DRC11: variants seen among roughly 807,000 people sequenced by gnomAD.
DRC11 encodes the protein dynein regulatory complex subunit 11, also known as IQ and AAA domain-containing protein 1.
chr2:236,470,927 A>G, the DRC11 span, among the ~76,000 whole-genome samples: 28 of 152,216 alleles, frequency 1.8e-4, no homozygotes. This position sits in a 1 kb window ranked among gnomAD's most constrained non-coding sequence, Gnocchi z 5.1. Context: ...CTGGGTTATA[A>G]GAGGTCTAGT....
At chr2:236,449,424 C>T in the DRC11 span, among the ~76,000 whole-genome samples, 788 of 152,334 alleles carry the variant, frequency 5.2e-3, 8 homozygotes, top group African/African-American at 0.018. The surrounding 1 kb of genome is among the most constrained non-coding windows in gnomAD (Gnocchi z 5.1). Flanking sequence ...ATTTTGTCCA[C>T]GGGGTGTTTG....
chr2:236,409,900 A>C, the DRC11 span, among the ~76,000 whole-genome samples: 14 of 152,212 alleles, frequency 9.2e-5, no homozygotes, highest in South Asian at 1.9e-3. Flanking sequence ...TGTTTATATG[A>C]TGGATTACAT....
the DRC11 span, among the ~76,000 whole-genome samples, chr2:236,446,053 T>TTA: frequency 6.6e-6 from 1 of 152,242 alleles, no homozygotes; most frequent in Non-Finnish European, 1.5e-5. This position sits in a 1 kb window ranked among gnomAD's most constrained non-coding sequence, Gnocchi z 6.2. Flanking sequence ...AGAGAGACAG[T>TTA]TATGAGTTCT....
At chr2:236,451,277 T>C in the DRC11 span, among the ~76,000 whole-genome samples, 7 of 152,072 alleles carry the variant, frequency 4.6e-5, no homozygotes, top group South Asian at 2.1e-4. Context: ...GGAAGACCTA[T>C]AGTATTTCTC....
At chr2:236,484,160 G>A in the DRC11 span, among the ~76,000 whole-genome samples, 2 of 152,142 alleles carry the variant, frequency 1.3e-5, no homozygotes, top group African/African-American at 4.8e-5. Context: ...TACTGTGTCT[G>A]CTTTTATAAA....
chr2:236,350,641 G>A, the DRC11 span, among the ~76,000 whole-genome samples: 1 of 152,204 alleles, frequency 6.6e-6, no homozygotes, highest in South Asian at 2.1e-4. The surrounding 1 kb of genome is among the most constrained non-coding windows in gnomAD (Gnocchi z 5.2). Context: ...AGGTGGGAGC[G>A]GGACCTGGGT....
At chr2:236,487,760 A>G in the DRC11 span, among the ~76,000 whole-genome samples, 1 of 152,242 alleles carries the variant, frequency 6.6e-6, no homozygotes, top group African/African-American at 2.4e-5. Flanking sequence ...AATGGTCTTT[A>G]ACAATATTTG....
the DRC11 span, among the ~76,000 whole-genome samples, chr2:236,449,540 T>TG: frequency 6.6e-6 from 1 of 152,222 alleles, no homozygotes; most frequent in African/African-American, 2.4e-5. This position sits in a 1 kb window ranked among gnomAD's most constrained non-coding sequence, Gnocchi z 5.1. Flanking sequence ...GGGACTCCCC[T>TG]GGGGCAGAGA....
chr2:236,389,205 C>A, the DRC11 span, among the ~76,000 whole-genome samples: 21 of 152,322 alleles, frequency 1.4e-4, no homozygotes, highest in Admixed American at 2.6e-4. Context: ...TCGAGCTTCC[C>A]GGCTGCTTTG....
chr2:236,426,682 C>T, the DRC11 span, among the ~76,000 whole-genome samples: 3 of 152,194 alleles, frequency 2.0e-5, no homozygotes, highest in Non-Finnish European at 4.4e-5. The surrounding 1 kb of genome is among the most constrained non-coding windows in gnomAD (Gnocchi z 4.1). Flanking sequence ...GCTGGGATTA[C>T]AGGCGTGAGC....
At chr2:236,357,000 TTA>T in the DRC11 span, among the ~76,000 whole-genome samples, 2 of 67,864 alleles carry the variant, frequency 2.9e-5, 1 homozygote, top group African/African-American at 9.5e-5. Flanking sequence ...ATCTATATAT[TTA>T]TATATTCATA....
the DRC11 span, among the ~76,000 whole-genome samples, chr2:236,473,396 T>G: frequency 4.6e-5 from 7 of 152,206 alleles, no homozygotes; most frequent in African/African-American, 1.7e-4. This position sits in a 1 kb window ranked among gnomAD's most constrained non-coding sequence, Gnocchi z 4.8. Context: ...AGAAATTGAA[T>G]GTATTGGCCA....
the DRC11 span, among the ~76,000 whole-genome samples, chr2:236,483,148 T>C: frequency 1.3e-5 from 2 of 152,226 alleles, no homozygotes; most frequent in Non-Finnish European, 2.9e-5. This position sits in a 1 kb window ranked among gnomAD's most constrained non-coding sequence, Gnocchi z 4.8. Context: ...TTTGTCTTTT[T>C]GTGACTAGCT....
At chr2:236,424,445 T>C in the DRC11 span, among the ~76,000 whole-genome samples, 3 of 152,308 alleles carry the variant, frequency 2.0e-5, no homozygotes, top group South Asian at 2.1e-4. Flanking sequence ...AGAGTAATTA[T>C]ACATAAATAC....
At chr2:236,375,641 T>C in the DRC11 span, among the ~76,000 whole-genome samples, 1 of 152,128 alleles carries the variant, frequency 6.6e-6, no homozygotes, top group South Asian at 2.1e-4. The surrounding 1 kb of genome is among the most constrained non-coding windows in gnomAD (Gnocchi z 4.2). Context: ...GCAAAGGGAT[T>C]AAAATAACCA....
the DRC11 span, among the ~76,000 whole-genome samples, chr2:236,441,939 T>C: frequency 1.3e-5 from 2 of 152,166 alleles, no homozygotes; most frequent in Non-Finnish European, 2.9e-5. Context: ...ATTTACTGTG[T>C]TAAATATTAA....
chr2:236,355,301 G>T, the DRC11 span, among the ~76,000 whole-genome samples: 1 of 152,224 alleles, frequency 6.6e-6, no homozygotes, highest in Non-Finnish European at 1.5e-5. Flanking sequence ...GGAGAGTGGG[G>T]AGGCCCTGCC....
At chr2:236,432,521 T>A in the DRC11 span, among the ~76,000 whole-genome samples, 1 of 152,206 alleles carries the variant, frequency 6.6e-6, no homozygotes, top group Non-Finnish European at 1.5e-5. Context: ...ATGTTGAACA[T>A]CTTTTATTAT....
At chr2:236,427,486 CTGT>C in the DRC11 span, among the ~76,000 whole-genome samples, 2 of 151,912 alleles carry the variant, frequency 1.3e-5, no homozygotes, top group Non-Finnish European at 2.9e-5. This position sits in a 1 kb window ranked among gnomAD's most constrained non-coding sequence, Gnocchi z 5.9. Flanking sequence ...ATGATTAGTC[CTGT>C]TGTTGTATAA....
Sources: gnomAD v4.1 joint callset for allele counts (sites outside exome capture counted in the v4.1 genomes callset) on GRCh38, gnomAD v4.1.1 for gene constraint, Gnocchi (gnomAD v3.1) non-coding constraint, MANE v1.5 for transcripts, NCBI Gene and HGNC (gene_info 2026-07-23, HGNC 2026-07-21) for gene names.